ERC2: variants seen among roughly 807,000 people sequenced by gnomAD.
ERC2 encodes ERC protein 2.
ERC2 carries 42 observed loss-of-function variants against 114.8 expected under a neutral mutation model. The observed-to-expected ratio is 0.37, with a 90% CI of 0.29 to 0.47. The LOEUF (loss-of-function observed/expected upper bound fraction) is 0.47. ERC2 is among the 20% of genes least tolerant of loss of function. ERC2 has a pLI of 0.99. For missense variants in ERC2, 939 were observed against 1,150.7 expected, an observed-to-expected ratio of 0.82 and a Z score of 2.66; for synonymous variants, 454 against 425.5, an observed-to-expected ratio of 1.07 and a Z score of -0.82.
chr3:56,020,836 G>A (rs1443098249), intron 7 of ERC2, among the ~76,000 whole-genome samples: 1 of 152,180 alleles, frequency 6.6e-6, no homozygotes, highest in Non-Finnish European at 1.5e-5. Context: ...ACGAGAAATA[G>A]AGACCAAAGG....
chr3:56,038,151 A>C (rs1482508488), intron 7 of ERC2, among the ~76,000 whole-genome samples: 1 of 152,170 alleles, frequency 6.6e-6, no homozygotes, highest in African/African-American at 2.4e-5. Context: ...AGACAACCTA[A>C]AGAATGGGAG....
chr3:55,508,530 G>T lies in ERC2; in HGVS notation c.*2786C>A, dbSNP rs2051894381. ...TCATATCGATGTCCATAATCACATGGTCAATATCACAACCCACATGCCACT... is the reference window on the plus strand; with the variant it reads ...TCATATCGATGTCCATAATCACATGTTCAATATCACAACCCACATGCCACT... On this transcript the variant is annotated 3_prime_UTR_variant, in exon 18 of 18. Transcript: ENST00000288221. The T allele has an allele frequency of 6.6e-6, 1 of 152,118 alleles. No homozygotes were observed. The highest frequency in any genetic ancestry group is 2.1e-4 in the South Asian group (1 of 4,790). 9.4% of individuals were successfully genotyped at this position (152,118 alleles called of 1,614,324 possible).
intron 12 of ERC2, among the ~76,000 whole-genome samples, chr3:55,981,620 GGAGA>G (rs1023681647): frequency 2.0e-5 from 3 of 152,086 alleles, no homozygotes; most frequent in African/African-American, 7.2e-5. Context: ...GGGAGGAGAG[GGAGA>G]GAGAGGAAAA....
chr3:55,858,523 C>T (rs1186973440), intron 14 of ERC2, among the ~76,000 whole-genome samples: 2 of 152,202 alleles, frequency 1.3e-5, no homozygotes, highest in African/African-American at 2.4e-5. Context: ...CACACTGCTG[C>T]TCACAATGAA....
intron 7 of ERC2, among the ~76,000 whole-genome samples, chr3:56,046,041 G>A (rs922714335): frequency 1.3e-5 from 2 of 152,180 alleles, no homozygotes; most frequent in Admixed American, 6.5e-5. Context: ...TGCTGACACA[G>A]TAGATCCAGG....
intron 3 of ERC2, among the ~76,000 whole-genome samples, chr3:56,230,494 A>G (rs972571530): frequency 6.6e-6 from 1 of 152,190 alleles, no homozygotes; most frequent in East Asian, 1.9e-4. Context: ...TCCTGGGCTC[A>G]AGCACTCTTC....
At chr3:55,945,449 G>A (rs1435552352) in intron 13 of ERC2, among the ~76,000 whole-genome samples, 1 of 152,168 alleles carries the variant, frequency 6.6e-6, no homozygotes, top group African/African-American at 2.4e-5. Context: ...ATTTAGATAT[G>A]AAGCTTAAAA....
At chr3:55,983,310 C>T (rs545712325) in intron 12 of ERC2, among the ~76,000 whole-genome samples, 12 of 152,248 alleles carry the variant, frequency 7.9e-5, no homozygotes, top group African/African-American at 2.9e-4. Context: ...TGGAGATAAC[C>T]TCATCTGTCA....
intron 7 of ERC2, among the ~76,000 whole-genome samples, chr3:56,030,891 C>A (rs1245521131): frequency 6.6e-6 from 1 of 152,144 alleles, no homozygotes; most frequent in Non-Finnish European, 1.5e-5. Context: ...CCAGGCAGTG[C>A]AGCATGGGGA....
At chr3:56,091,611 G>T (rs1469661185) in intron 6 of ERC2, among the ~76,000 whole-genome samples, 1 of 152,140 alleles carries the variant, frequency 6.6e-6, no homozygotes, top group Non-Finnish European at 1.5e-5. Context: ...CACATTTACA[G>T]ATTCACTCCT....
At chr3:56,131,911 T>C (rs1339791799) in intron 6 of ERC2, among the ~76,000 whole-genome samples, 1 of 152,216 alleles carries the variant, frequency 6.6e-6, no homozygotes, top group African/African-American at 2.4e-5. Context: ...AATTGATCAC[T>C]ACACATTGTT....
At chr3:55,956,538 T>C (rs1398810899) in intron 12 of ERC2, among the ~76,000 whole-genome samples, 4 of 152,136 alleles carry the variant, frequency 2.6e-5, no homozygotes, top group South Asian at 2.1e-4. Context: ...TTTTTTTTTA[T>C]AGCAAGCATA....
intron 17 of ERC2, among the ~76,000 whole-genome samples, chr3:55,609,277 A>G (rs2058779877): frequency 3.3e-5 from 5 of 152,158 alleles, no homozygotes; most frequent in Admixed American, 2.6e-4. Context: ...ACAAGGTTCC[A>G]CTGCAACTCA....
intron 14 of ERC2, among the ~76,000 whole-genome samples, chr3:55,789,331 A>G (rs1388759864): frequency 1.3e-5 from 2 of 152,234 alleles, no homozygotes; most frequent in Non-Finnish European, 2.9e-5. Flanking sequence ...GAGTCTTCTA[A>G]GTGGCCAGAG....
At chr3:56,230,287 A>G (rs2050535705) in intron 3 of ERC2, among the ~76,000 whole-genome samples, 1 of 152,258 alleles carries the variant, frequency 6.6e-6, no homozygotes, top group Admixed American at 6.5e-5. Flanking sequence ...AATAGCATCC[A>G]TCACACTATT....
intron 7 of ERC2, among the ~76,000 whole-genome samples, chr3:56,071,095 TC>T (rs2149730125): frequency 6.6e-6 from 1 of 152,258 alleles, no homozygotes; most frequent in South Asian, 2.1e-4. Flanking sequence ...GAGTCTGAGT[TC>T]CCAGTGGGCA....
At chr3:56,010,673 G>A in intron 8 of ERC2, 84 bp from the exon 9 acceptor site, 3 of 1,422,800 alleles carry the variant, frequency 2.1e-6, no homozygotes, top group Non-Finnish European at 1.9e-6. Flanking sequence ...ATAAGAGGCA[G>A]TACATCTAAG....
chr3:56,270,501 T>G (rs1457506847), intron 3 of ERC2, among the ~76,000 whole-genome samples: 1 of 152,222 alleles, frequency 6.6e-6, no homozygotes, highest in East Asian at 1.9e-4. Flanking sequence ...ATTAATAAAA[T>G]CTGTCAACTT....
At chr3:55,992,369 G>T in intron 10 of ERC2, 119 bp from the exon 11 acceptor site, 1 of 830,708 alleles carries the variant, frequency 1.2e-6, no homozygotes, top group Non-Finnish European at 1.8e-6. Context: ...AGATTTATGG[G>T]TATATTGTCA....
Sources: allele counts gnomAD v4.1 joint callset (sites outside exome capture counted in the v4.1 genomes callset), GRCh38; gene constraint gnomAD v4.1.1; transcripts MANE v1.5; gene names NCBI Gene and HGNC (gene_info 2026-07-23, HGNC 2026-07-21).